The following PARP8 variants were observed in gnomAD, a reference collection of about 807,000 sequenced individuals.
PARP8 encodes protein mono-ADP-ribosyltransferase PARP8.
Under a neutral mutation model 124.1 loss-of-function variants are expected in PARP8, and 51 were observed. The ratio of observed to expected loss-of-function variants is 0.41; its 90% confidence interval spans 0.33 to 0.52. The LOEUF is 0.52. PARP8 is among the 20% of genes least tolerant of loss of function. PARP8 has a pLI of 0.21. For synonymous variants in PARP8, 391 were observed against 361.5 expected, an observed-to-expected ratio of 1.08 and a Z score of -0.93; for missense variants, 860 against 1,018.9, an observed-to-expected ratio of 0.84 and a Z score of 2.12.
At chr5:50,716,222 G>A (rs920159032) in intron 2 of PARP8, among the ~76,000 whole-genome samples, 21 of 152,120 alleles carry the variant, frequency 1.4e-4, no homozygotes, top group Admixed American at 3.9e-4. Context: ...AAAGGAAGAT[G>A]ACTATGATGT....
At chr5:50,675,831 G>T (rs533432118) in intron 2 of PARP8, among the ~76,000 whole-genome samples, 1 of 152,170 alleles carries the variant, frequency 6.6e-6, no homozygotes, top group African/African-American at 2.4e-5. Context: ...TTAAAAGAGT[G>T]ATGTCACATT....
chr5:50,688,899 G>A (rs1252052344), intron 2 of PARP8, among the ~76,000 whole-genome samples: 2 of 152,096 alleles, frequency 1.3e-5, no homozygotes, highest in Non-Finnish European at 2.9e-5. Flanking sequence ...AAGCTACTCA[G>A]ACAAGAAAAT....
At chr5:50,720,224 T>A (rs1334421918) in intron 2 of PARP8, among the ~76,000 whole-genome samples, 1 of 152,106 alleles carries the variant, frequency 6.6e-6, no homozygotes, top group African/African-American at 2.4e-5. Context: ...GCGGCAGCAG[T>A]TTGCATTCAG....
Position 50,815,438 on chromosome 5 carries a change from G to A in PARP8, c.1582G>A (p.Val528Ile), listed in dbSNP as rs1177704845. ...ATTCCTTTTTCTTTTGTAGCCTACC[G>A]TATGTGAACGGGAGCTGTGTGTGTT... is the stretch of plus-strand genomic sequence containing the variant. ...FQNGPMLRPT[V>I]CERELCVFAF... is the part of the protein sequence containing the mutation. Residue 528 changes from valine (V) to isoleucine (I), a missense_variant, in exon 15 of 26, where the codon GTA becomes ATA. Coordinates refer to ENST00000281631, the MANE Select transcript of PARP8 (RefSeq NM_024615.4). 3.2e-6 allele frequency: 5 copies of A among 1,580,402 alleles called. No homozygotes were observed. The highest frequency in any genetic ancestry group is 3.4e-6 in the Non-Finnish European group (4 of 1,166,354).
intron 2 of PARP8, among the ~76,000 whole-genome samples, chr5:50,703,813 A>T (rs1753839830): frequency 6.6e-6 from 1 of 151,896 alleles, no homozygotes; most frequent in East Asian, 1.9e-4. Context: ...CTGGAGGCTG[A>T]GGTGGGAGGA....
intron 14 of PARP8, among the ~76,000 whole-genome samples, chr5:50,807,822 T>C (rs948348817): frequency 1.3e-5 from 2 of 152,112 alleles, no homozygotes; most frequent in African/African-American, 4.8e-5. Context: ...ACATGTGATA[T>C]GAGAATTATG....
intron 2 of PARP8, among the ~76,000 whole-genome samples, chr5:50,727,055 C>A (rs1226820787): frequency 6.6e-6 from 1 of 152,044 alleles, no homozygotes; most frequent in East Asian, 1.9e-4. Flanking sequence ...CAGGGTCTTT[C>A]TGAAGGTTGT....
In PARP8 at chr5:50,835,648, T is replaced by C. The variant is rs140979537; in HGVS notation, c.2462+633T>C. ...ACACCTCCATACACACATATACTTT[T>C]GTTAATTTTAAAAATTTAGAACTGG... On this transcript the variant is annotated intron_variant, in intron 25 of 25. Coordinates refer to ENST00000281631, the MANE Select transcript of PARP8 (RefSeq NM_024615.4). 4.9e-4 allele frequency among the ~76,000 whole-genome samples: 75 copies of C among 152,360 alleles called. 1 individual carries two copies. Among genetic ancestry groups the C allele is most frequent in the African/African-American group, 1.8e-3 (74 of 41,590 alleles).
At position 50,789,588 on chromosome 5, in the gene PARP8, C is replaced by T. The variant is rs554246100; in HGVS notation, c.737+999C>T. On this transcript the variant is annotated intron_variant, in intron 10 of 25. Coordinates refer to ENST00000281631, the MANE Select transcript of PARP8 (RefSeq NM_024615.4). ...GATGAGCCTTGATTTCATACGAAGA[C>T]ATAAAGCCACGCCATTTGAACTGAA... is the stretch of plus-strand genomic sequence containing the variant. Among the ~76,000 whole-genome samples the T allele has an allele frequency of 3.3e-5, 5 of 152,316 alleles. No individual in the cohort carries two copies. The South Asian group carries it at 1.0e-3, about 32-fold the overall frequency.
At chr5:50,769,551 A>T (rs1248823649) in intron 7 of PARP8, among the ~76,000 whole-genome samples, 5 of 152,068 alleles carry the variant, frequency 3.3e-5, no homozygotes, top group African/African-American at 1.2e-4. Context: ...GTAATTCAAG[A>T]AGTGATTCTA....
At chr5:50,788,741 C>T (rs1319159852) in intron 10 of PARP8, 152 bp downstream of exon 10, 11 of 656,756 alleles carry the variant, frequency 1.7e-5, no homozygotes, top group Admixed American at 2.7e-5. Flanking sequence ...CTAAGAGCTG[C>T]GTTGATAATT....
chr5:50,718,320 TC>T (rs1265978262), intron 2 of PARP8, among the ~76,000 whole-genome samples: 1 of 152,042 alleles, frequency 6.6e-6, no homozygotes, highest in Non-Finnish European at 1.5e-5. Flanking sequence ...CCTTATAACT[TC>T]TTTCTAAGAA....
At chr5:50,666,258 T>C (rs1367185402), upstream of PARP8, 4 of 152,402 alleles carry the variant, frequency 2.6e-5, no homozygotes, top group Non-Finnish European at 4.4e-5. Flanking sequence ...GATTTGTTCG[T>C]TTTATTATTT....
At chr5:50,822,427 G>C in intron 17 of PARP8, 27 bp downstream of exon 17, 1 of 1,535,706 alleles carries the variant, frequency 6.5e-7, no homozygotes, top group African/African-American at 1.4e-5. Context: ...GTCTTGTACA[G>C]TATATTTTTA....
At chr5:50,667,563 G>T (rs568746015) in intron 1 of PARP8, 4 of 699,908 alleles carry the variant, frequency 5.7e-6, no homozygotes, top group Non-Finnish European at 7.8e-6. Context: ...GCTGAGCGGC[G>T]GCGGCCGGGA....
Position 50,738,060 on chromosome 5 carries a change from A to G in PARP8, c.147-12091A>G, listed in dbSNP as rs543853137. ...TTAGAAATACCATTCTGGAGTCTATAAAAGTATTACTATTGCCCTCGTTAG... is the reference window on the plus strand; with the variant it reads ...TTAGAAATACCATTCTGGAGTCTATGAAAGTATTACTATTGCCCTCGTTAG... On this transcript the variant is annotated intron_variant, in intron 2 of 25. Coordinates refer to ENST00000281631, the MANE Select transcript of PARP8 (RefSeq NM_024615.4). 1.8e-4 allele frequency among the ~76,000 whole-genome samples: 27 copies of G among 152,336 alleles called. No individual in the cohort carries two copies. In the South Asian group the frequency reaches 5.2e-3, roughly 29 times the overall value.
In PARP8 at chr5:50,754,669, C is replaced by T. The variant is rs1237692615; in HGVS notation, c.184+4481C>T. On this transcript the variant is annotated intron_variant, in intron 3 of 25. Coordinates refer to ENST00000281631, the MANE Select transcript of PARP8 (RefSeq NM_024615.4). ...ACGTATGCATGTGTCTTTATAGCAG[C>T]ATGATTTATAATCCTTTGGGTATAT... Among the ~76,000 whole-genome samples, 3 of 152,242 alleles carry T rather than the reference C, an allele frequency of 2.0e-5. No individual in the cohort carries two copies. In the East Asian group the frequency reaches 5.8e-4, roughly 29 times the overall value.
At chr5:50,760,754 G>A (rs1242014978) in intron 5 of PARP8, among the ~76,000 whole-genome samples, 1 of 151,972 alleles carries the variant, frequency 6.6e-6, no homozygotes, top group African/African-American at 2.4e-5. Context: ...GTAACACTGA[G>A]GTTGTACATA....
intron 9 of PARP8, among the ~76,000 whole-genome samples, chr5:50,782,144 A>G (rs937339334): frequency 6.6e-6 from 1 of 152,144 alleles, no homozygotes; most frequent in Admixed American, 6.5e-5. Context: ...GCAGTGGTTG[A>G]CTTTTATTAT....
Sources: allele counts gnomAD v4.1 joint callset (sites outside exome capture counted in the v4.1 genomes callset), GRCh38; gene constraint gnomAD v4.1.1; transcripts MANE v1.5; gene names NCBI Gene and HGNC (gene_info 2026-07-23, HGNC 2026-07-21).